Variants in ATOSB observed in about 807,000 individuals in gnomAD.
ATOSB encodes atos homolog B.
At chr9:35,107,403 G>C in the ATOSB span, 2 of 1,613,906 alleles carry the variant, frequency 1.2e-6, no homozygotes, top group Non-Finnish European at 1.7e-6. Context: ...TTTGGGCCCA[G>C]GCAGCAGGTG....
the ATOSB span, chr9:35,108,758 G>A: frequency 5.2e-5 from 48 of 930,008 alleles, no homozygotes; most frequent in East Asian, 1.2e-4. Context: ...AAGAACAGAC[G>A]TAAGCCAGGA....
the ATOSB span, among the ~76,000 whole-genome samples, chr9:35,113,183 C>T: frequency 6.6e-6 from 1 of 152,126 alleles, no homozygotes; most frequent in South Asian, 2.1e-4. Context: ...AAAAATAATC[C>T]CTTAGCAACC....
At chr9:35,110,797 T>C in the ATOSB span, 1 of 152,256 alleles carries the variant, frequency 6.6e-6, no homozygotes, top group East Asian at 1.9e-4. Flanking sequence ...AGGTATCAGC[T>C]TCAAGGCTCA....
At chr9:35,108,210 G>T in the ATOSB span, 1 of 1,591,614 alleles carries the variant, frequency 6.3e-7, no homozygotes. Flanking sequence ...CTGCCTGACT[G>T]GAGGCTGTGA....
the ATOSB span, chr9:35,106,490 C>T: frequency 3.1e-6 from 5 of 1,602,802 alleles, no homozygotes; most frequent in Non-Finnish European, 4.3e-6. The surrounding 1 kb of genome is among the most constrained non-coding windows in gnomAD (Gnocchi z 4.6). Context: ...ATTCCACCAT[C>T]CCACCTCTCC....
chr9:35,113,187 A>G, the ATOSB span, among the ~76,000 whole-genome samples: 2 of 152,264 alleles, frequency 1.3e-5, no homozygotes, highest in Non-Finnish European at 2.9e-5. Context: ...ATAATCCCTT[A>G]GCAACCCCAC....
chr9:35,106,154 G>A, the ATOSB span: 1 of 1,551,504 alleles, frequency 6.4e-7, no homozygotes, highest in Non-Finnish European at 8.8e-7. This position sits in a 1 kb window ranked among gnomAD's most constrained non-coding sequence, Gnocchi z 4.6. Flanking sequence ...CTCACTTCTA[G>A]GTGAGGAATA....
the ATOSB span, chr9:35,107,590 G>A: frequency 6.3e-7 from 1 of 1,587,124 alleles, no homozygotes; most frequent in African/African-American, 1.4e-5. Context: ...GGGCCAGGGG[G>A]TGTGTGCTCG....
At chr9:35,109,541 T>C in the ATOSB span, 1 of 152,220 alleles carries the variant, frequency 6.6e-6, no homozygotes, top group Non-Finnish European at 1.5e-5. Flanking sequence ...TTCCAGCCCA[T>C]ACTAGGGTGA....
chr9:35,107,002 T>A, the ATOSB span: 1 of 938,284 alleles, frequency 1.1e-6, no homozygotes, highest in Non-Finnish European at 1.7e-6. Flanking sequence ...GGCCTCCACC[T>A]TTACCCACAC....
At chr9:35,105,513 G>A in the ATOSB span, 172 of 1,152,998 alleles carry the variant, frequency 1.5e-4, 1 homozygote, top group Admixed American at 5.6e-4. This position sits in a 1 kb window ranked among gnomAD's most constrained non-coding sequence, Gnocchi z 5.5. Context: ...GCAACATAGC[G>A]AGACCCCATC....
chr9:35,114,418 T>C, the ATOSB span, among the ~76,000 whole-genome samples: 5 of 141,132 alleles, frequency 3.5e-5, no homozygotes, highest in South Asian at 1.3e-3. Flanking sequence ...TCCTGGGTGG[T>C]TGTGTGAGGA....
At chr9:35,107,848 G>C in the ATOSB span, 11 of 1,598,364 alleles carry the variant, frequency 6.9e-6, no homozygotes, top group Admixed American at 1.2e-4. Flanking sequence ...GGGCAGGGGG[G>C]ACTCCAGGCC....
chr9:35,105,197 C>T, the ATOSB span: 18 of 1,594,942 alleles, frequency 1.1e-5, no homozygotes, highest in East Asian at 1.4e-4. This position sits in a 1 kb window ranked among gnomAD's most constrained non-coding sequence, Gnocchi z 5.5. Context: ...GTCATTAGCC[C>T]GCATGGGTTC....
chr9:35,114,386 C>A, the ATOSB span, among the ~76,000 whole-genome samples: 36 of 149,908 alleles, frequency 2.4e-4, 1 homozygote, highest in Non-Finnish European at 4.1e-4. Context: ...GACCCACCCC[C>A]CTCCCCAGCC....
the ATOSB span, chr9:35,106,747 G>T: frequency 6.7e-7 from 1 of 1,497,462 alleles, no homozygotes; most frequent in Non-Finnish European, 9.1e-7. This position sits in a 1 kb window ranked among gnomAD's most constrained non-coding sequence, Gnocchi z 4.6. Flanking sequence ...CTTCTGCCCT[G>T]GGGTCCCCTA....
the ATOSB span, chr9:35,107,732 G>T: frequency 6.3e-7 from 1 of 1,588,818 alleles, no homozygotes; most frequent in Non-Finnish European, 8.6e-7. Context: ...TGTGCAGCTG[G>T]CCTGGAGGGG....
At chr9:35,106,863 C>T in the ATOSB span, 23 of 1,572,852 alleles carry the variant, frequency 1.5e-5, no homozygotes, top group Admixed American at 5.5e-5. This position sits in a 1 kb window ranked among gnomAD's most constrained non-coding sequence, Gnocchi z 4.6. Context: ...TTTCAGCCTC[C>T]GCCCCATGGG....
the ATOSB span, chr9:35,105,181 G>GGGCA: frequency 6.3e-6 from 10 of 1,579,662 alleles, no homozygotes; most frequent in South Asian, 1.1e-4. The surrounding 1 kb of genome is among the most constrained non-coding windows in gnomAD (Gnocchi z 5.5). Context: ...GGAGCAGGAT[G>GGGCA]GGCAGGTCAT....
Sources: allele counts gnomAD v4.1 joint callset (sites outside exome capture counted in the v4.1 genomes callset), GRCh38; gene constraint gnomAD v4.1.1; non-coding constraint Gnocchi (gnomAD v3.1); transcripts MANE v1.5; gene names NCBI Gene and HGNC (gene_info 2026-07-23, HGNC 2026-07-21).